COCH: variants seen among roughly 807,000 people sequenced by gnomAD.
The protein encoded by COCH is cochlin.
In COCH, 40 loss-of-function variants were observed where a neutral mutation model predicts 54.8. That is an observed-to-expected ratio of 0.73 (90% CI 0.57 to 0.95). The LOEUF (loss-of-function observed/expected upper bound fraction) is 0.95, where lower values mean the gene tolerates loss of function less well. COCH is among the 40% of genes least tolerant of loss of function. The pLI, the probability that COCH is intolerant of heterozygous loss-of-function variation, is 0.00. For missense variants in COCH, 605 were observed against 675.0 expected (o/e 0.90, Z 1.15); for synonymous variants, 256 against 237.9 (o/e 1.08, Z -0.70).
chr14:30,890,130 T>C lies in COCH; in HGVS notation c.*339T>C, dbSNP rs187461561. 210 of 1,015,098 alleles carry C rather than the reference T, an allele frequency of 2.1e-4. 1 individual carries two copies. In the African/African-American group the frequency reaches 2.3e-3, roughly 11 times the overall value. The allele number at this position is 1,015,098 out of a possible 1,614,324, so 62.9% of individuals were successfully genotyped here. On this transcript the variant is annotated 3_prime_UTR_variant, in exon 12 of 12. Coordinates refer to ENST00000396618, the MANE Select transcript of COCH (RefSeq NM_004086.3). The stretch of plus-strand genomic sequence containing the variant: ...TAGCTCAATAAAAGAATCTGATACT[T>C]AGACCAAAAGCAACATTCGTTCTCT...
downstream of COCH, chr14:30,895,274 AC>A: frequency 1.1e-6 from 1 of 878,884 alleles, no homozygotes; most frequent in Non-Finnish European, 1.7e-6. Context: ...TGTGATTTCC[AC>A]CAATTTGTGC....
At position 30,890,360 on chromosome 14, in the gene COCH, TAAC is replaced by T. The variant is rs1895940269; in HGVS notation, c.*573_*575del. The stretch of plus-strand genomic sequence containing the variant: ...AAACTGCTTTTGTAGTGTGTTTTCA[TAAC>T]AACTTATGACTAAAAATATCACACT... On this transcript the variant is annotated 3_prime_UTR_variant, in exon 12 of 12. Coordinates refer to ENST00000396618, the MANE Select transcript of COCH (RefSeq NM_004086.3). The T allele has an allele frequency of 1.0e-6, 1 of 985,498 alleles. No homozygotes were observed. The highest frequency in any genetic ancestry group is 1.2e-6 in the Non-Finnish European group (1 of 829,968). 61.0% of individuals were successfully genotyped at this position (985,498 alleles called of 1,614,324 possible). A position where few individuals can be genotyped will look rare whatever the true frequency, so the allele number is the denominator to read the frequency against.
At chr14:30,890,641 T>A (rs6571366), downstream of COCH, 613,636 of 903,162 alleles carry the variant, frequency 0.68, 210,050 homozygotes, top group East Asian at 0.98. Context: ...TTATTACTGC[T>A]AGTGTCTCCC....
chr14:30,884,947 A>G (rs1255765233), intron 9 of COCH: 1 of 1,598,260 alleles, frequency 6.3e-7, no homozygotes, highest in Admixed American at 1.7e-5. Flanking sequence ...TAATGCTAAA[A>G]AGAAGTGAAA....
chr14:30,887,406 A>C (rs1423984608), intron 11 of COCH, among the ~76,000 whole-genome samples: 1 of 151,776 alleles, frequency 6.6e-6, no homozygotes, highest in African/African-American at 2.4e-5. Flanking sequence ...AAAGAAAAAA[A>C]AAAAAAAAAA....
rs1267035278 is a variant in COCH at position 30,886,280 on chromosome 14, TCCA to T, written c.1446_1448del (p.Gln483del). ...ACAGATGGGCAGTCCTATGATGATG[TCCA>T]AGGCCCTGCAGCTGCTGCACATGAT... On this transcript the variant is annotated inframe_deletion, in exon 11 of 12. Transcript: ENST00000396618. 1.2e-6 allele frequency: 2 copies of T among 1,614,154 alleles called. No individual in the cohort carries two copies. Among genetic ancestry groups the T allele is most frequent in the Non-Finnish European group, 1.7e-6 (2 of 1,180,012 alleles).
At chr14:30,876,877 C>CA (rs1466293478) in intron 3 of COCH, among the ~76,000 whole-genome samples, 1 of 152,058 alleles carries the variant, frequency 6.6e-6, no homozygotes, top group African/African-American at 2.4e-5. Flanking sequence ...TAGCTCATTG[C>CA]AAGCTTGAAC....
At position 30,890,233 on chromosome 14, in the gene COCH, A is replaced by G. The variant is rs1016589930; in HGVS notation, c.*442A>G. On this transcript the variant is annotated 3_prime_UTR_variant, in exon 12 of 12. Coordinates refer to ENST00000396618, the MANE Select transcript of COCH (RefSeq NM_004086.3). ...CACAGCTCTTTAACATGGTTCAGGT[A>G]CACATATTTTGACCCAAGTGGATAT... 210 of 987,286 alleles carry G rather than the reference A, an allele frequency of 2.1e-4. 1 individual carries two copies. The highest frequency in any genetic ancestry group is 2.4e-4 in the Non-Finnish European group (201 of 831,178). 61.2% of individuals were successfully genotyped at this position (987,286 alleles called of 1,614,324 possible).
At chr14:30,874,852 C>G (rs775266701) in intron 1 of COCH, 64 bp from the exon 2 acceptor site, 77 of 1,486,586 alleles carry the variant, frequency 5.2e-5, no homozygotes, top group Non-Finnish European at 6.5e-5. Context: ...GTGCGGGGCT[C>G]TGAGGAGGTG....
At chr14:30,884,141 G>C (rs138942774) in intron 8 of COCH, among the ~76,000 whole-genome samples, 1 of 152,302 alleles carries the variant, frequency 6.6e-6, no homozygotes, top group Non-Finnish European at 1.5e-5. Flanking sequence ...CCGATTTCAA[G>C]TTCTCCGTAT....
rs1895944313 is a variant in COCH, at chr14:30,890,455, T to C, written c.*664T>C. 3.0e-5 allele frequency: 29 copies of C among 951,520 alleles called. No homozygotes were observed. Among genetic ancestry groups the C allele is most frequent in the Non-Finnish European group, 3.6e-5 (29 of 799,048 alleles). The allele number at this position is 951,520 out of a possible 1,614,324, so 58.9% of individuals were successfully genotyped here. Reference sequence around the variant, plus strand: ...CCTTAATTTTATATGTATATAGATATATTTGGCTTATATTCTAAGTCACCT... The same window carrying C: ...CCTTAATTTTATATGTATATAGATACATTTGGCTTATATTCTAAGTCACCT... On this transcript the variant is annotated 3_prime_UTR_variant, in exon 12 of 12. Coordinates refer to ENST00000396618, the MANE Select transcript of COCH (RefSeq NM_004086.3).
intron 11 of COCH, among the ~76,000 whole-genome samples, chr14:30,887,500 CCCCAGCCTTAATATTA>C (rs1257548091): frequency 1.3e-5 from 2 of 152,114 alleles, no homozygotes; most frequent in African/African-American, 2.4e-5. Flanking sequence ...TTCTTCCTCA[CCCCAGCCTTAATATTA>C]CTTTTGGCAC....
In COCH at chr14:30,885,569, G is replaced by C. The variant is rs150207791; in HGVS notation, c.909G>C (p.Lys303Asn). Reference sequence around the variant, plus strand: ...ATGTATTTATAGTTTCTGTGGCCAAGCCTATCCCTGAAGAACTGGGGATGG... The same window carrying C: ...ATGTATTTATAGTTTCTGTGGCCAACCCTATCCCTGAAGAACTGGGGATGG... ...GVNVFIVSVA[K>N]PIPEELGMVQ... The change falls in exon 10 of 12, where the codon AAG (lysine) becomes AAC (asparagine). Residue 303 changes from lysine (K) to asparagine (N), a missense_variant. Coordinates refer to ENST00000396618, the MANE Select transcript of COCH (RefSeq NM_004086.3). 2 of 1,612,974 alleles carry C rather than the reference G, an allele frequency of 1.2e-6. No individual in the cohort carries two copies. Among genetic ancestry groups the C allele is most frequent in the South Asian group, 2.2e-5 (2 of 91,062 alleles).
chr14:30,890,564 A>C lies in COCH; in HGVS notation c.*773A>C. The C allele has an allele frequency of 1.0e-6, 1 of 966,972 alleles. No homozygotes were observed. The highest frequency in any genetic ancestry group is 1.2e-6 in the Non-Finnish European group (1 of 812,782). The allele number at this position is 966,972 out of a possible 1,614,324, so 59.9% of individuals were successfully genotyped here. On this transcript the variant is annotated 3_prime_UTR_variant, in exon 12 of 12. Transcript: ENST00000396618. ...CAAAGACATTTCAAATAACTGCAGAAAAAATATTGTAGTTTGAATATTTAA... is the reference window on the plus strand; with the variant it reads ...CAAAGACATTTCAAATAACTGCAGACAAAATATTGTAGTTTGAATATTTAA...
rs531038060 is a variant in COCH, at chr14:30,882,880, C to A, written c.630-1673C>A. Reference sequence around the variant, plus strand: ...CTCCAGCCTGGACAACAGAGAAAGACCCCATCTCTAAAAAAACAAATAAAT... The same window carrying A: ...CTCCAGCCTGGACAACAGAGAAAGAACCCATCTCTAAAAAAACAAATAAAT... On this transcript the variant is annotated intron_variant, in intron 8 of 11. Coordinates refer to ENST00000396618, the MANE Select transcript of COCH (RefSeq NM_004086.3). Among the ~76,000 whole-genome samples, 24 of 152,260 alleles carry A rather than the reference C, an allele frequency of 1.6e-4. No individual in the cohort carries two copies. The East Asian group carries it at 4.6e-3, about 29-fold the overall frequency.
At chr14:30,881,774 C>T (rs1238163369) in intron 8 of COCH, among the ~76,000 whole-genome samples, 3 of 151,036 alleles carry the variant, frequency 2.0e-5, no homozygotes, top group Non-Finnish European at 4.4e-5. Flanking sequence ...CTGGCTAACA[C>T]GGGGAAACCC....
chr14:30,889,990 AC>A lies in COCH; in HGVS notation c.*200del. ...ATTTACAGTGTACTTTGTTAAAAAC[AC>A]TGCTGAGGCTTCATAATCATGGCTC... On this transcript the variant is annotated 3_prime_UTR_variant, in exon 12 of 12. Transcript: ENST00000396618. The A allele has an allele frequency of 7.6e-7, 1 of 1,312,056 alleles. No homozygotes were observed. Among genetic ancestry groups the A allele is most frequent in the Non-Finnish European group, 9.7e-7 (1 of 1,028,926 alleles). The allele number at this position is 1,312,056 out of a possible 1,614,324, so 81.3% of individuals were successfully genotyped here.
In COCH at chr14:30,877,834, C is replaced by G. The variant is rs1337922736; in HGVS notation, c.239+106C>G. ...CCTCCCTGCATTCTTTCTTTTGTTG[C>G]CATTGTGGCCACAGAAAATGGATAT... On this transcript the variant is annotated intron_variant, in intron 4 of 11. Transcript: ENST00000396618. The surrounding 1 kb of genome is among the most constrained non-coding windows in gnomAD (Gnocchi z 8.6). The G allele has an allele frequency of 1.3e-5, 20 of 1,553,018 alleles. No individual in the cohort carries two copies. In the East Asian group the frequency reaches 3.9e-4, roughly 30 times the overall value.
intron 8 of COCH, among the ~76,000 whole-genome samples, chr14:30,881,265 C>T (rs1895577896): frequency 6.6e-6 from 1 of 150,970 alleles, no homozygotes; most frequent in Non-Finnish European, 1.5e-5. Flanking sequence ...TTGAATGAGT[C>T]TTGAATGATG....
Sources: allele counts gnomAD v4.1 joint callset (sites outside exome capture counted in the v4.1 genomes callset), GRCh38; gene constraint gnomAD v4.1.1; non-coding constraint Gnocchi (gnomAD v3.1); transcripts MANE v1.5; gene names NCBI Gene and HGNC (gene_info 2026-07-23, HGNC 2026-07-21).